Variants in MORC3 observed in about 807,000 individuals in gnomAD.
The protein encoded by MORC3 is MORC family CW-type zinc finger protein 3.
In MORC3, 31 loss-of-function variants were observed where a neutral mutation model predicts 109.1. The observed-to-expected ratio is 0.28, with a 90% CI of 0.21 to 0.38. The LOEUF (loss-of-function observed/expected upper bound fraction) is 0.38. Among genes scored for constraint, MORC3 ranks in the 10% least tolerant of loss-of-function variants. MORC3 has a pLI of 1.00. For missense variants in MORC3, 867 were observed against 1,135.8 expected, an observed-to-expected ratio of 0.76 and a Z score of 3.40; for synonymous variants, 395 against 380.7, an observed-to-expected ratio of 1.04 and a Z score of -0.44.
intron 12 of MORC3, 88 bp from the exon 13 acceptor site, chr21:36,362,095 A>G: frequency 1.5e-6 from 2 of 1,316,214 alleles, no homozygotes; most frequent in East Asian, 2.3e-5. Context: ...CAGAGTTCAG[A>G]GTACCTTAGT....
chr21:36,339,085 A>G, intron 5 of MORC3, 164 bp downstream of exon 5: 1 of 733,834 alleles, frequency 1.4e-6, no homozygotes, highest in Non-Finnish European at 2.0e-6. Context: ...TATAGAGGCC[A>G]TTTCAGCTTC....
rs192944008 is a variant in MORC3, at chr21:36,356,799, A to G, written c.1208+75A>G. On this transcript the variant is annotated intron_variant, in intron 10 of 16. Coordinates refer to ENST00000400485, the MANE Select transcript of MORC3 (RefSeq NM_015358.3). The stretch of plus-strand genomic sequence containing the variant: ...TATTAGAGAGTAAAGGGATTGTACA[A>G]TGTTTCACAAACTTAGGACTGTAAC... 1.3e-3 allele frequency: 1,137 copies of G among 905,004 alleles called. 25 individuals carry two copies. The Admixed American group carries it at 0.029, about 23-fold the overall frequency. 56.1% of individuals were successfully genotyped at this position (905,004 alleles called of 1,614,324 possible). A position where few individuals can be genotyped will look rare whatever the true frequency, so the allele number is the denominator to read the frequency against.
intron 1 of MORC3, among the ~76,000 whole-genome samples, chr21:36,328,342 C>CTTTT (rs959569308): frequency 1.5e-5 from 2 of 130,054 alleles, no homozygotes; most frequent in African/African-American, 2.8e-5. Flanking sequence ...CCCCCCCCGC[C>CTTTT]TTTTTTTTTT....
intron 8 of MORC3, 82 bp from the exon 9 acceptor site, chr21:36,349,229 T>A: frequency 3.6e-6 from 3 of 844,514 alleles, no homozygotes; most frequent in Non-Finnish European, 5.6e-6. Context: ...TAGAAAAATA[T>A]ACAAACTATA....
chr21:36,368,470 A>G (rs1026461099), intron 14 of MORC3, among the ~76,000 whole-genome samples: 1 of 152,220 alleles, frequency 6.6e-6, no homozygotes, highest in Non-Finnish European at 1.5e-5. Flanking sequence ...AGATCTCAAT[A>G]GTCCATCGTC....
intron 2 of MORC3, among the ~76,000 whole-genome samples, chr21:36,336,445 T>C (rs568812650): frequency 1.5e-4 from 23 of 151,822 alleles, no homozygotes; most frequent in Non-Finnish European, 3.1e-4. Flanking sequence ...GGTTTCACCA[T>C]GTTGGCCAGG....
intron 15 of MORC3, among the ~76,000 whole-genome samples, chr21:36,370,639 ATTTTTTTTTTTTT>A (rs869169013): frequency 6.1e-4 from 23 of 37,560 alleles, no homozygotes; most frequent in East Asian, 5.1e-3. Context: ...ATATATATAT[ATTTTTTTTTTTTT>A]TTTTTTTTTT....
chr21:36,344,466 G>C, intron 6 of MORC3, 113 bp from the exon 7 acceptor site: 1 of 1,233,620 alleles, frequency 8.1e-7, no homozygotes, highest in Non-Finnish European at 1.1e-6. Flanking sequence ...CTATTTTATT[G>C]AAGAGTTAAT....
At position 36,349,291 on chromosome 21, in the gene MORC3, ATTTCAT is replaced by A. The variant is rs1330950518; in HGVS notation, c.1006-16_1006-11del. On this transcript the variant is annotated splice_polypyrimidine_tract_variant and intron_variant, in intron 8 of 16. Coordinates refer to ENST00000400485, the MANE Select transcript of MORC3 (RefSeq NM_015358.3). ...ATCATGTCTTATGCTTAAAATGCTGATTTCATTTTATTTTTTCAGGCAAACAACATG... is the reference window on the plus strand; with the variant it reads ...ATCATGTCTTATGCTTAAAATGCTGATTTATTTTTTCAGGCAAACAACATG... 1 of 1,547,940 alleles carries A rather than the reference ATTTCAT, an allele frequency of 6.5e-7. No individual in the cohort carries two copies. Among genetic ancestry groups the A allele is most frequent in the East Asian group, 2.3e-5 (1 of 44,356 alleles).
chr21:36,368,851 TG>T, intron 14 of MORC3, 136 bp from the exon 15 acceptor site: 1 of 784,802 alleles, frequency 1.3e-6, no homozygotes. Flanking sequence ...CACTCTAGCC[TG>T]GGCGACAGAG....
chr21:36,333,789 G>GTT (rs376936555), intron 2 of MORC3, 71 bp downstream of exon 2: 1,095 of 928,030 alleles, frequency 1.2e-3, no homozygotes, highest in South Asian at 1.6e-3. Context: ...GTTTTGTTTT[G>GTT]TTTTTTTTTT....
Position 36,369,591 on chromosome 21 carries a change from A to G in MORC3, c.2223A>G (p.Lys741=), listed in dbSNP as rs370041910. ...AAATGAATGACAAGTATGTTAAGAA[A>G]GAAACTTGCCATCAGTCCACTGAAA... ...ILEMNDKYVK[K]ETCHQSTETD... Residue 741 remains lysine, a synonymous_variant, in exon 15 of 17, where the codon AAA becomes AAG. Coordinates refer to ENST00000400485, the MANE Select transcript of MORC3 (RefSeq NM_015358.3). 1.1e-5 allele frequency: 18 copies of G among 1,614,122 alleles called. No individual in the cohort carries two copies. The African/African-American group carries it at 2.3e-4, about 20-fold the overall frequency.
At position 36,320,260 on chromosome 21, in the gene MORC3, T is replaced by C. The variant is rs1046482429; in HGVS notation, c.-5T>C. 2.2e-5 allele frequency: 35 copies of C among 1,578,930 alleles called. No homozygotes were observed. Among genetic ancestry groups the C allele is most frequent in the Non-Finnish European group, 2.9e-5 (34 of 1,164,054 alleles). Reference sequence around the variant, plus strand: ...GGCCGTTCCTGGCTTTGTAGCTCGCTCAAGATGGCGGCGCAGCCACCCCGC... The same window carrying C: ...GGCCGTTCCTGGCTTTGTAGCTCGCCCAAGATGGCGGCGCAGCCACCCCGC... On this transcript the variant is annotated 5_prime_UTR_variant, in exon 1 of 17. Coordinates refer to ENST00000400485, the MANE Select transcript of MORC3 (RefSeq NM_015358.3).
intron 8 of MORC3, among the ~76,000 whole-genome samples, chr21:36,348,573 A>G (rs1461496325): frequency 1.3e-5 from 2 of 152,084 alleles, no homozygotes; most frequent in East Asian, 1.9e-4. Flanking sequence ...ACACCCGGCT[A>G]ATTTTTTGTA....
intron 1 of MORC3, among the ~76,000 whole-genome samples, chr21:36,321,547 TC>T (rs965477071): frequency 2.6e-5 from 4 of 151,402 alleles, no homozygotes; most frequent in African/African-American, 9.7e-5. Flanking sequence ...ATTCTTTTTT[TC>T]TTTTTTTTTT....
intron 1 of MORC3, among the ~76,000 whole-genome samples, chr21:36,328,221 A>G (rs1182411918): frequency 6.6e-6 from 1 of 152,020 alleles, no homozygotes; most frequent in Non-Finnish European, 1.5e-5. Flanking sequence ...TGATATGATC[A>G]AAAATGTATA....
intron 1 of MORC3, among the ~76,000 whole-genome samples, chr21:36,329,175 A>G (rs2085284406): frequency 6.6e-6 from 1 of 152,092 alleles, no homozygotes; most frequent in African/African-American, 2.4e-5. Flanking sequence ...GTTGCCTGTA[A>G]TCTCAGCTAC....
At chr21:36,346,414 A>G (rs1179397022) in intron 8 of MORC3, among the ~76,000 whole-genome samples, 2 of 152,194 alleles carry the variant, frequency 1.3e-5, no homozygotes, top group Non-Finnish European at 2.9e-5. Context: ...GTTGGGGACC[A>G]GACACAGTGG....
intron 5 of MORC3, among the ~76,000 whole-genome samples, chr21:36,340,612 CTTTCT>C (rs1048380865): frequency 1.4e-5 from 2 of 138,928 alleles, no homozygotes; most frequent in African/African-American, 5.3e-5. Flanking sequence ...TTTTTTTTTT[CTTTCT>C]TTTCTTTTCT....
Sources: gnomAD v4.1 joint callset for allele counts (sites outside exome capture counted in the v4.1 genomes callset) on GRCh38, gnomAD v4.1.1 for gene constraint, MANE v1.5 for transcripts, NCBI Gene and HGNC (gene_info 2026-07-23, HGNC 2026-07-21) for gene names.